PHF3: variants seen among roughly 807,000 people sequenced by gnomAD.
PHF3 encodes the protein PHD finger protein 3.
A neutral mutation model predicts 178.4 loss-of-function variants in PHF3; 41 were observed. That is an observed-to-expected ratio of 0.23 (90% CI 0.18 to 0.30). The LOEUF is 0.30. PHF3 is among the 10% of genes least tolerant of loss of function. The probability of loss-of-function intolerance (pLI) is 1.00; values close to 1 mark genes in which losing one functional copy is unlikely to be tolerated. For missense variants in PHF3, 2,346 were observed against 2,398.1 expected, an observed-to-expected ratio of 0.98 and a Z score of 0.45; for synonymous variants, 842 against 800.5, an observed-to-expected ratio of 1.05 and a Z score of -0.88.
At chr6:63,695,293 A>G (rs2149595354) in intron 6 of PHF3, among the ~76,000 whole-genome samples, 1 of 152,332 alleles carries the variant, frequency 6.6e-6, no homozygotes, top group East Asian at 1.9e-4. Flanking sequence ...AAGGTAATAC[A>G]TAAAGGGATA....
At chr6:63,679,399 A>G (rs1766326183) in intron 2 of PHF3, among the ~76,000 whole-genome samples, 1 of 152,068 alleles carries the variant, frequency 6.6e-6, no homozygotes, top group Non-Finnish European at 1.5e-5. Context: ...TATATTAAAC[A>G]TCTACTATTT....
chr6:63,652,065 G>T (rs1765042594), intron 2 of PHF3, among the ~76,000 whole-genome samples: 2 of 152,148 alleles, frequency 1.3e-5, no homozygotes, highest in South Asian at 4.1e-4. Flanking sequence ...CCAGTGGTGG[G>T]ATTGCTAGAT....
rs771167888 is a variant in PHF3 at position 63,646,505 on chromosome 6, TA to T, written c.-25-21del. 7.5e-5 allele frequency: 113 copies of T among 1,511,248 alleles called. 1 individual carries two copies. The South Asian group carries it at 1.0e-3, about 13-fold the overall frequency. The allele number at this position is 1,511,248 out of a possible 1,614,324, so 93.6% of individuals were successfully genotyped here. ...CAATTGATAGCTTTATTTCTTATGGTATTTTTTTTGTCTTTCTATAGGGCTG... is the reference window on the plus strand; with the variant it reads ...CAATTGATAGCTTTATTTCTTATGGTTTTTTTTTGTCTTTCTATAGGGCTG... On this transcript the variant is annotated intron_variant, in intron 1 of 15. Coordinates refer to ENST00000262043, the MANE Select transcript of PHF3 (RefSeq NM_001370348.2).
At chr6:63,641,163 G>A (rs1350543732) in intron 1 of PHF3, among the ~76,000 whole-genome samples, 1 of 152,178 alleles carries the variant, frequency 6.6e-6, no homozygotes, top group East Asian at 1.9e-4. Context: ...GATGGTATGG[G>A]GGCTGAAGGC....
In PHF3 at chr6:63,716,782, C is replaced by G. The variant is rs1330569934; in HGVS notation, c.*3074C>G. Reference sequence around the variant, plus strand: ...CAGCAGTGTGGGACCCAGTCTTTCTCTAGTATCTCTGACCTTCCCTTCTGA... The same window carrying G: ...CAGCAGTGTGGGACCCAGTCTTTCTGTAGTATCTCTGACCTTCCCTTCTGA... On this transcript the variant is annotated 3_prime_UTR_variant, in exon 16 of 16. Coordinates refer to ENST00000262043, the MANE Select transcript of PHF3 (RefSeq NM_001370348.2). 6.6e-6 allele frequency among the ~76,000 whole-genome samples: 1 copy of G among 151,936 alleles called. No homozygotes were observed. Among genetic ancestry groups the G allele is most frequent in the Admixed American group, 6.6e-5 (1 of 15,192 alleles).
chr6:63,685,432 C>T lies in PHF3; in HGVS notation c.1710C>T (p.Asn570=). 1.9e-6 allele frequency: 3 copies of T among 1,613,910 alleles called. No individual in the cohort carries two copies. The highest frequency in any genetic ancestry group is 2.5e-6 in the Non-Finnish European group (3 of 1,179,962). The change falls in exon 4 of 16, where the codon AAC becomes AAT. Residue 570 remains asparagine, a synonymous_variant. Transcript: ENST00000262043. The part of the protein sequence containing the change: ...SCNSGVKSVK[N]QAHSVLKKTL... Reference sequence around the variant, plus strand: ...ATTCTGGGGTTAAATCTGTGAAAAACCAAGCTCATTCTGTACTGAAAAAAA... The same window carrying T: ...ATTCTGGGGTTAAATCTGTGAAAAATCAAGCTCATTCTGTACTGAAAAAAA...
chr6:63,666,708 G>GA (rs909377576), intron 2 of PHF3, among the ~76,000 whole-genome samples: 1 of 148,800 alleles, frequency 6.7e-6, no homozygotes, highest in South Asian at 2.1e-4. Context: ...ATAATGACAA[G>GA]AAAAAAAAGG....
intron 2 of PHF3, among the ~76,000 whole-genome samples, chr6:63,663,065 A>G (rs1582029618): frequency 6.6e-6 from 1 of 152,190 alleles, no homozygotes; most frequent in Non-Finnish European, 1.5e-5. Flanking sequence ...TCCTTGAGCA[A>G]ATGTTTTCTT....
Position 63,712,897 on chromosome 6 carries a change from CAT to C in PHF3, c.5310_5311del (p.Cys1771SerfsTer7), listed in dbSNP as rs1236695681. 1 of 1,613,918 alleles carries C rather than the reference CAT, an allele frequency of 6.2e-7. No homozygotes were observed. Among genetic ancestry groups the C allele is most frequent in the African/African-American group, 1.3e-5 (1 of 74,898 alleles). ...ACATCTCATTTTGAAGTTGGAAACA[CAT>C]GTCCATCAGAATTTCCTTCTAAAAG... On this transcript the variant is annotated frameshift_variant, in exon 16 of 16. Transcript: ENST00000262043. LOFTEE classifies it high-confidence loss of function.
intron 2 of PHF3, among the ~76,000 whole-genome samples, chr6:63,665,476 G>GTTTTT (rs1469138723): frequency 1.8e-5 from 2 of 108,452 alleles, no homozygotes; most frequent in African/African-American, 4.2e-5. Context: ...TCGCTTTGTG[G>GTTTTT]TTTTTTTTTG....
Position 63,636,000 on chromosome 6 carries a change from G to C in PHF3, c.-176G>C. Reference sequence around the variant, plus strand: ...GTCAGCAGCAGCCATTTGGTCCCAGGAGGAAAAGAGGCTGTGGCAGCGACG... The same window carrying C: ...GTCAGCAGCAGCCATTTGGTCCCAGCAGGAAAAGAGGCTGTGGCAGCGACG... On this transcript the variant is annotated 5_prime_UTR_variant, in exon 1 of 16. Coordinates refer to ENST00000262043, the MANE Select transcript of PHF3 (RefSeq NM_001370348.2). The C allele has an allele frequency of 2.5e-6, 1 of 397,778 alleles. No individual in the cohort carries two copies. The allele number at this position is 397,778 out of a possible 1,614,324, so 24.6% of individuals were successfully genotyped here. A position where few individuals can be genotyped will look rare whatever the true frequency, so the allele number is the denominator to read the frequency against.
rs750187338 is a variant in PHF3, at chr6:63,692,012, C to G, written c.2465C>G (p.Thr822Arg). Residue 822 changes from threonine (T) to arginine (R), a missense_variant, in exon 5 of 16, where the codon ACA becomes AGA. By Grantham distance (71) the Thr-to-Arg change is moderately conservative (BLOSUM62 -1). This residue lies in a region of PHF3 where 252 missense variants were observed against 232.0 expected (regional missense o/e 1.09). Coordinates refer to ENST00000262043, the MANE Select transcript of PHF3 (RefSeq NM_001370348.2). ...TNDRTKYIDDTVKHKVKILKR... is the reference protein window; with the variant it reads ...TNDRTKYIDDRVKHKVKILKR... ...GATAGAACCAAATATATAGATGATA[C>G]AGTGAAGCACAAGGTCAAAATTTTA... The G allele has an allele frequency of 1.5e-5, 24 of 1,609,408 alleles. No homozygotes were observed. The highest frequency in any genetic ancestry group is 2.7e-5 in the African/African-American group (2 of 74,642).
At chr6:63,675,452 T>C (rs954378561) in intron 2 of PHF3, among the ~76,000 whole-genome samples, 1 of 152,120 alleles carries the variant, frequency 6.6e-6, no homozygotes, top group African/African-American at 2.4e-5. Context: ...TAGTACCTAG[T>C]TCTGGAATAT....
At chr6:63,646,487 T>C in intron 1 of PHF3, 40 bp from the exon 2 acceptor site, 2 of 1,425,982 alleles carry the variant, frequency 1.4e-6, no homozygotes, top group Non-Finnish European at 1.9e-6. Context: ...TTTCAATTGA[T>C]AGCTTTATTT....
chr6:63,709,264 AC>A, intron 14 of PHF3, 24 bp downstream of exon 14: 2 of 1,381,160 alleles, frequency 1.4e-6, no homozygotes, highest in Non-Finnish European at 2.1e-6. Context: ...TTTTCACTAT[AC>A]CAGCATGGGA....
chr6:63,646,885 T>A, intron 2 of PHF3, 90 bp downstream of exon 2: 25 of 204,198 alleles, frequency 1.2e-4, no homozygotes, highest in East Asian at 1.7e-4. Context: ...TCTTTTTTTC[T>A]TTTTTTTTTT....
chr6:63,703,708 AT>A, intron 11 of PHF3, 37 bp downstream of exon 11: 1 of 1,575,644 alleles, frequency 6.3e-7, no homozygotes, highest in Non-Finnish European at 8.6e-7. Context: ...TTTTGCATTC[AT>A]TATGAAAGAA....
At chr6:63,662,698 T>A (rs942688885) in intron 2 of PHF3, among the ~76,000 whole-genome samples, 1 of 152,242 alleles carries the variant, frequency 6.6e-6, no homozygotes, top group Non-Finnish European at 1.5e-5. Context: ...TAGGTTTTTT[T>A]ATCATGTCTT....
rs1288503942 is a variant in PHF3 at position 63,684,359 on chromosome 6, G to T, written c.637G>T (p.Val213Leu). The change falls in exon 4 of 16, where the codon GTA becomes TTA. Residue 213 changes from valine (V) to leucine (L), a missense_variant. Physicochemically the swap from Val to Leu is conservative, Grantham distance 32. This residue lies in a region of PHF3 where 843 missense variants were observed against 795.2 expected (regional missense o/e 1.06). Coordinates refer to ENST00000262043, the MANE Select transcript of PHF3 (RefSeq NM_001370348.2). Reference protein sequence around the residue: ...NSGQIEVVPEVSVSSSHSSVS... With the variant: ...NSGQIEVVPELSVSSSHSSVS... ...CGGACAAATTGAAGTGGTACCTGAA[G>T]TATCAGTGTCTTCAAGTCATTCTTC... 1.9e-6 allele frequency: 3 copies of T among 1,613,908 alleles called. No homozygotes were observed. Among genetic ancestry groups the T allele is most frequent in the Non-Finnish European group, 2.5e-6 (3 of 1,179,824 alleles).
Sources: allele counts gnomAD v4.1 joint callset (sites outside exome capture counted in the v4.1 genomes callset), GRCh38; gene constraint gnomAD v4.1.1; regional missense constraint gnomAD v4.1.1; transcripts MANE v1.5; gene names NCBI Gene and HGNC (gene_info 2026-07-23, HGNC 2026-07-21).